The following FOCAD variants were observed in gnomAD, a reference collection of about 807,000 sequenced individuals.
FOCAD encodes KIAA1797.
In FOCAD, 198 loss-of-function variants were observed where a neutral mutation model predicts 225.6. That is an observed-to-expected ratio of 0.88 (90% CI 0.78 to 0.99). The LOEUF is 0.99. FOCAD is among the 50% of genes least tolerant of loss of function. FOCAD has a pLI of 0.00. For missense variants in FOCAD, 2,713 were observed against 2,123.6 expected (o/e 1.28, Z -5.46); for synonymous variants, 897 against 755.0 (o/e 1.19, Z -3.08).
chr9:20,936,901 T>G (rs1836033399), intron 28 of FOCAD, among the ~76,000 whole-genome samples: 1 of 152,202 alleles, frequency 6.6e-6, no homozygotes, highest in South Asian at 2.1e-4. Context: ...AAAATCAATG[T>G]GCAAAAATCA....
chr9:20,794,143 A>G (rs1407061238), intron 11 of FOCAD, among the ~76,000 whole-genome samples: 2 of 152,226 alleles, frequency 1.3e-5, no homozygotes, highest in Admixed American at 6.5e-5. Context: ...GTTAAGGCTC[A>G]CCAGACTTAA....
At chr9:20,714,630 GCCTGCCTTCCTT>G (rs1217251651) in intron 1 of FOCAD, among the ~76,000 whole-genome samples, 23 of 120,834 alleles carry the variant, frequency 1.9e-4, no homozygotes, top group South Asian at 1.1e-3. Flanking sequence ...CTGCCTGCCT[GCCTGCCTTCCTT>G]CCTTCCTTCC....
At chr9:20,968,900 G>A (rs901791754) in intron 35 of FOCAD, among the ~76,000 whole-genome samples, 2 of 151,902 alleles carry the variant, frequency 1.3e-5, no homozygotes, top group African/African-American at 4.8e-5. Context: ...TTTAAAACTG[G>A]CATTTATTGC....
intron 11 of FOCAD, among the ~76,000 whole-genome samples, chr9:20,813,138 T>C (rs551502824): frequency 6.6e-6 from 1 of 152,284 alleles, no homozygotes; most frequent in South Asian, 2.1e-4. Flanking sequence ...CCGTGGCTTA[T>C]TTCACTTAGC....
chr9:20,743,737 G>A (rs1356617965), intron 5 of FOCAD, among the ~76,000 whole-genome samples: 1 of 152,158 alleles, frequency 6.6e-6, no homozygotes, highest in African/African-American at 2.4e-5. Flanking sequence ...TCAGAAATCA[G>A]CATGTTACCC....
intron 35 of FOCAD, among the ~76,000 whole-genome samples, chr9:20,966,986 AT>A (rs963335223): frequency 2.1e-5 from 3 of 144,358 alleles, no homozygotes; most frequent in South Asian, 2.1e-4. Context: ...TTTTCAAGAT[AT>A]TTTTTTTTAG....
intron 3 of FOCAD, among the ~76,000 whole-genome samples, chr9:20,719,777 G>GTTTT (rs1825630710): frequency 6.6e-5 from 6 of 91,192 alleles, no homozygotes; most frequent in East Asian, 2.8e-4. Flanking sequence ...GTTTTCCTAG[G>GTTTT]CTTTTTTTTT....
At position 20,933,121 on chromosome 9, in the gene FOCAD, C is replaced by T. The variant is rs1220904533; in HGVS notation, c.3407+18C>T. On this transcript the variant is annotated intron_variant, in intron 28 of 43. Coordinates refer to ENST00000338382, the MANE Select transcript of FOCAD (RefSeq NM_001375567.1). ...GAATACAAGTATGTTGTTCCTATTT[C>T]CACTCTCACAGGTACTTAGACATTG... 2 of 1,573,256 alleles carry T rather than the reference C, an allele frequency of 1.3e-6. No homozygotes were observed. Among genetic ancestry groups the T allele is most frequent in the East Asian group, 2.2e-5 (1 of 44,622 alleles).
chr9:20,865,818 G>A (rs962564701), intron 16 of FOCAD, 108 bp from the exon 17 acceptor site: 2 of 671,812 alleles, frequency 3.0e-6, no homozygotes, highest in South Asian at 2.1e-5. Context: ...ATTTCTGGTG[G>A]TGTTACTTTA....
intron 24 of FOCAD, among the ~76,000 whole-genome samples, chr9:20,921,287 A>C (rs148760297): frequency 3.9e-5 from 6 of 152,296 alleles, no homozygotes; most frequent in Non-Finnish European, 5.9e-5. Flanking sequence ...GTGCTTTTTA[A>C]TTAGGTTAAT....
intron 35 of FOCAD, among the ~76,000 whole-genome samples, chr9:20,957,247 A>C (rs1838241343): frequency 7.3e-5 from 1 of 13,734 alleles, no homozygotes. Context: ...TACTTTTTGT[A>C]GAGATGGAAA....
Position 20,948,345 on chromosome 9 carries a change from C to A in FOCAD, c.3750C>A (p.Asp1250Glu). Residue 1250 changes from aspartate to glutamate, a missense_variant, in exon 31 of 44, where the codon GAC (aspartate) becomes GAA (glutamate). Asp to Glu is a conservative substitution (Grantham distance 45, BLOSUM62 2). Coordinates refer to ENST00000338382, the MANE Select transcript of FOCAD (RefSeq NM_001375567.1). ...TGTGTGGACATGGAAAAGCTGAAGACTTGGGCAGCAAACTACTCCCTGCCT... is the reference window on the plus strand; with the variant it reads ...TGTGTGGACATGGAAAAGCTGAAGAATTGGGCAGCAAACTACTCCCTGCCT... ...LSVCGHGKAEDLGSKLLPAWI... is the reference protein window; with the variant it reads ...LSVCGHGKAEELGSKLLPAWI... The A allele has an allele frequency of 6.2e-7, 1 of 1,612,454 alleles. No homozygotes were observed. The highest frequency in any genetic ancestry group is 1.1e-5 in the South Asian group (1 of 91,046).
rs140570115 is a variant in FOCAD, at chr9:20,972,869, T to C, written c.4133-3551T>C. Among the ~76,000 whole-genome samples the C allele has an allele frequency of 4.0e-3, 612 of 152,080 alleles. 5 individuals carry two copies. The highest frequency in any genetic ancestry group is 0.014 in the African/African-American group (589 of 41,512). ...ATGCTTCTCCTTTCTGCAGCTATTT[T>C]ACCTTATGCTGACTTTCCTTTATTC... On this transcript the variant is annotated intron_variant, in intron 35 of 43. Transcript: ENST00000338382.
intron 39 of FOCAD, among the ~76,000 whole-genome samples, chr9:20,985,961 G>T (rs1841114953): frequency 6.6e-6 from 1 of 152,146 alleles, no homozygotes; most frequent in African/African-American, 2.4e-5. Flanking sequence ...CATGTTAAGT[G>T]CTTGGAGTGA....
At chr9:20,825,710 C>T (rs1200323990) in intron 15 of FOCAD, among the ~76,000 whole-genome samples, 2 of 152,036 alleles carry the variant, frequency 1.3e-5, no homozygotes, top group Admixed American at 6.6e-5. Flanking sequence ...TGAACTCTTT[C>T]ATCTTGAAAG....
At chr9:20,812,586 G>C (rs773873743) in intron 11 of FOCAD, among the ~76,000 whole-genome samples, 1 of 151,888 alleles carries the variant, frequency 6.6e-6, no homozygotes, top group African/African-American at 2.4e-5. Flanking sequence ...TCTCTCCTGC[G>C]TGTTTTTTTC....
intron 28 of FOCAD, 92 bp from the exon 29 acceptor site, chr9:20,944,535 G>T: frequency 7.0e-7 from 1 of 1,428,598 alleles, no homozygotes; most frequent in South Asian, 1.4e-5. Context: ...ATCTCACCAA[G>T]GTTTGAGAGC....
At chr9:20,659,868 C>T (rs1821658667) in intron 2 of FOCAD, among the ~76,000 whole-genome samples, 1 of 152,156 alleles carries the variant, frequency 6.6e-6, no homozygotes, top group East Asian at 1.9e-4. Flanking sequence ...TTGACTAAGG[C>T]AGTGACCATC....
In FOCAD at chr9:20,823,096, A is replaced by G. The variant is rs1389177730; in HGVS notation, c.1901A>G (p.His634Arg). 4 of 1,606,310 alleles carry G rather than the reference A, an allele frequency of 2.5e-6. No homozygotes were observed. Among genetic ancestry groups the G allele is most frequent in the African/African-American group, 2.7e-5 (2 of 74,348 alleles). Reference protein sequence around the residue: ...TPAALVLQGLHALCQAEVVCI... With the variant: ...TPAALVLQGLRALCQAEVVCI... ...GCAGCCTTGGTATTACAGGGTCTTC[A>G]TGCACTCTGTCAAGCTGAGGTAGGC... The change falls in exon 15 of 44, where the codon CAT (histidine) becomes CGT (arginine). Residue 634 changes from histidine (H) to arginine (R), a missense_variant. Physicochemically the swap from His to Arg is conservative, Grantham distance 29. Transcript: ENST00000338382.
Sources: allele counts gnomAD v4.1 joint callset (sites outside exome capture counted in the v4.1 genomes callset), GRCh38; gene constraint gnomAD v4.1.1; transcripts MANE v1.5; gene names NCBI Gene and HGNC (gene_info 2026-07-23, HGNC 2026-07-21).